Variants in RBMS3 observed in about 807,000 individuals in gnomAD.
The protein encoded by RBMS3 is RNA-binding motif, single-stranded-interacting protein 3.
In RBMS3, 27 loss-of-function variants were observed where a neutral mutation model predicts 66.8. The ratio of observed to expected loss-of-function variants is 0.40; its 90% CI spans 0.30 to 0.56. The LOEUF (loss-of-function observed/expected upper bound fraction) is 0.56, where lower values mean the gene tolerates loss of function less well. RBMS3 is among the 20% of genes least tolerant of loss of function. The pLI, the probability that RBMS3 is intolerant of heterozygous loss-of-function variation, is 0.40. For missense variants in RBMS3, 513 were observed against 549.5 expected, an observed-to-expected ratio of 0.93 and a Z score of 0.66; for synonymous variants, 188 against 183.0, an observed-to-expected ratio of 1.03 and a Z score of -0.22.
chr3:29,668,328 A>G (rs74891354), intron 4 of RBMS3, among the ~76,000 whole-genome samples: 5,472 of 152,272 alleles, frequency 0.036, 319 homozygotes, highest in African/African-American at 0.12. Context: ...ACACTGCTGT[A>G]GGACTCTGCT....
intron 10 of RBMS3, among the ~76,000 whole-genome samples, chr3:29,905,944 A>G (rs545273624): frequency 1.3e-5 from 2 of 152,178 alleles, no homozygotes; most frequent in East Asian, 3.9e-4. Flanking sequence ...GCTATTTTAC[A>G]TTTTCAGATG....
intron 7 of RBMS3, among the ~76,000 whole-genome samples, chr3:29,881,055 A>C (rs2059726061): frequency 6.6e-6 from 1 of 152,072 alleles, no homozygotes; most frequent in African/African-American, 2.4e-5. Context: ...AAGATCCTCC[A>C]TCCTTACCTT....
chr3:29,793,146 G>A (rs1216817739), intron 6 of RBMS3, among the ~76,000 whole-genome samples: 1 of 151,818 alleles, frequency 6.6e-6, no homozygotes, highest in East Asian at 1.9e-4. Context: ...CAGGAGAATT[G>A]CTTGAACCCG....
At chr3:29,899,340 C>T (rs1441928851) in intron 9 of RBMS3, among the ~76,000 whole-genome samples, 1 of 151,650 alleles carries the variant, frequency 6.6e-6, no homozygotes, top group African/African-American at 2.4e-5. Flanking sequence ...TCTTAGCAGT[C>T]AACTCTTGCT....
chr3:29,946,653 G>A (rs1695335037), intron 12 of RBMS3, among the ~76,000 whole-genome samples: 3 of 151,568 alleles, frequency 2.0e-5, no homozygotes, highest in Non-Finnish European at 4.4e-5. Context: ...AAATCCTCAG[G>A]AAGACAAATA....
At chr3:29,620,473 A>C (rs1254529762) in intron 4 of RBMS3, among the ~76,000 whole-genome samples, 7 of 152,106 alleles carry the variant, frequency 4.6e-5, no homozygotes, top group Non-Finnish European at 8.8e-5. Flanking sequence ...GACTAAGAGA[A>C]TCTTAGGGGC....
chr3:29,945,098 A>T (rs1052756471), intron 12 of RBMS3, among the ~76,000 whole-genome samples: 1 of 151,694 alleles, frequency 6.6e-6, no homozygotes, highest in African/African-American at 2.4e-5. Context: ...TGGCAATCTG[A>T]AGAGGAGGAA....
chr3:29,954,727 C>A (rs1012929234), intron 12 of RBMS3, among the ~76,000 whole-genome samples: 11 of 151,940 alleles, frequency 7.2e-5, no homozygotes, highest in Admixed American at 3.9e-4. Flanking sequence ...ATCTGCTATA[C>A]CCATTCCATT....
At chr3:29,331,010 A>G (rs1236283759) in intron 1 of RBMS3, among the ~76,000 whole-genome samples, 1 of 152,072 alleles carries the variant, frequency 6.6e-6, no homozygotes, top group Admixed American at 6.6e-5. Context: ...TTTAGGGGCT[A>G]TGTTGGCATA....
intron 10 of RBMS3, among the ~76,000 whole-genome samples, chr3:29,931,196 A>G (rs2061112408): frequency 6.6e-6 from 1 of 152,176 alleles, no homozygotes; most frequent in South Asian, 2.1e-4. Context: ...ATTTACAAAA[A>G]CTGTTTTGAG....
intron 3 of RBMS3, among the ~76,000 whole-genome samples, chr3:29,495,061 C>T (rs1312812404): frequency 1.4e-5 from 2 of 147,632 alleles, no homozygotes; most frequent in Admixed American, 1.3e-4. Flanking sequence ...AGACAAGTAT[C>T]CAAAAGTTCT....
chr3:29,450,935 C>A (rs2041997243), intron 2 of RBMS3, among the ~76,000 whole-genome samples: 2 of 144,170 alleles, frequency 1.4e-5, no homozygotes, highest in Admixed American at 6.8e-5. Context: ...ACACACACCC[C>A]CCACACACAC....
chr3:29,849,410 A>G (rs1489989364), intron 6 of RBMS3, among the ~76,000 whole-genome samples: 14 of 151,720 alleles, frequency 9.2e-5, no homozygotes. Flanking sequence ...GCTGCTTGAG[A>G]GGCTAAGGCA....
At chr3:29,760,951 A>C (rs754075777) in intron 5 of RBMS3, among the ~76,000 whole-genome samples, 20 of 151,966 alleles carry the variant, frequency 1.3e-4, no homozygotes, top group Non-Finnish European at 2.5e-4. Context: ...TTTTCAAAAT[A>C]ATACTTATGT....
At chr3:29,891,240 C>T (rs1392853686) in intron 8 of RBMS3, among the ~76,000 whole-genome samples, 1 of 151,614 alleles carries the variant, frequency 6.6e-6, no homozygotes, top group Non-Finnish European at 1.5e-5. Context: ...GAAGAACAAA[C>T]AGTTCATAAC....
chr3:29,778,097 A>C (rs544728195), intron 6 of RBMS3, among the ~76,000 whole-genome samples: 22 of 152,022 alleles, frequency 1.4e-4, no homozygotes, highest in Non-Finnish European at 2.7e-4. Flanking sequence ...TGTTTTATTT[A>C]CATTTGCAAT....
chr3:29,281,770 C>A lies in RBMS3; in HGVS notation c.75+14C>A. 1 of 1,600,664 alleles carries A rather than the reference C, an allele frequency of 6.2e-7. No homozygotes were observed. The highest frequency in any genetic ancestry group is 8.6e-7 in the Non-Finnish European group (1 of 1,168,680). On this transcript the variant is annotated intron_variant, in intron 1 of 14. Coordinates refer to ENST00000383767, the MANE Select transcript of RBMS3 (RefSeq NM_001003793.3). ...CTCCAAACCAAGGTATGGCTTGACC[C>A]ACGGTCTGGCGATCAGCGTGGTATC...
chr3:29,384,338 A>T (rs1463354638), intron 1 of RBMS3, among the ~76,000 whole-genome samples: 1 of 151,864 alleles, frequency 6.6e-6, no homozygotes, highest in African/African-American at 2.4e-5. Flanking sequence ...ACAAACAAAC[A>T]AATAAAACAA....
At chr3:29,440,010 C>G (rs1289927743) in intron 2 of RBMS3, among the ~76,000 whole-genome samples, 1 of 152,044 alleles carries the variant, frequency 6.6e-6, no homozygotes, top group Non-Finnish European at 1.5e-5. Flanking sequence ...AGAGAGAGAG[C>G]ATTGTAACTT....
Sources: allele counts gnomAD v4.1 joint callset (sites outside exome capture counted in the v4.1 genomes callset), GRCh38; gene constraint gnomAD v4.1.1; transcripts MANE v1.5; gene names NCBI Gene and HGNC (gene_info 2026-07-23, HGNC 2026-07-21).